HNRNPC: variants seen among roughly 807,000 people sequenced by gnomAD.
HNRNPC encodes the protein heterogeneous nuclear ribonucleoprotein C.
A neutral mutation model predicts 33.2 loss-of-function variants in HNRNPC; 3 were observed. The ratio of observed to expected loss-of-function variants is 0.09; its 90% CI spans 0.04 to 0.23. HNRNPC has a LOEUF of 0.23. Ranked by LOEUF, HNRNPC falls within the 10% of genes least tolerant of loss-of-function variation. HNRNPC has a pLI of 1.00. For missense variants in HNRNPC, 143 were observed against 366.7 expected (o/e 0.39, Z 4.98); for synonymous variants, 121 against 126.7 (o/e 0.96, Z 0.30).
chr14:21,257,774 T>C (rs1198187332), intron 2 of HNRNPC, among the ~76,000 whole-genome samples: 2 of 152,094 alleles, frequency 1.3e-5, no homozygotes, highest in African/African-American at 4.8e-5. Context: ...TCTTGCTATG[T>C]TGCCAGACTT....
chr14:21,243,702 A>T (rs987424087), intron 2 of HNRNPC, among the ~76,000 whole-genome samples: 1 of 152,198 alleles, frequency 6.6e-6, no homozygotes, highest in Non-Finnish European at 1.5e-5. Flanking sequence ...GTAGGTCCCT[A>T]TATCTGTATT....
chr14:21,230,616 AAC>A (rs1894005111), intron 4 of HNRNPC: 1 of 520,084 alleles, frequency 1.9e-6, no homozygotes, highest in African/African-American at 1.9e-5. Flanking sequence ...AGCTAAACTA[AAC>A]ACTGAAAAAC....
rs1594311098 is a variant in HNRNPC at position 21,253,500 on chromosome 14, T to C, written c.-37+9811A>G. 6.2e-5 allele frequency among the ~76,000 whole-genome samples: 9 copies of C among 146,264 alleles called. No homozygotes were observed. The South Asian group carries it at 1.9e-3, about 32-fold the overall frequency. ...AAAAAAAAAAAGATAGCACCAAAGATGTGCATGCACCTGAAAACAAAAATT... is the reference window on the plus strand; with the variant it reads ...AAAAAAAAAAAGATAGCACCAAAGACGTGCATGCACCTGAAAACAAAAATT... On this transcript the variant is annotated intron_variant, in intron 2 of 8. Coordinates refer to ENST00000553300, the MANE Select transcript of HNRNPC (RefSeq NM_004500.4).
chr14:21,226,737 G>T (rs990625079), intron 5 of HNRNPC, among the ~76,000 whole-genome samples: 2 of 151,896 alleles, frequency 1.3e-5, no homozygotes, highest in African/African-American at 4.8e-5. Context: ...AAAATTAGTT[G>T]TGTGTGGTGG....
chr14:21,228,893 T>C (rs912450123), intron 5 of HNRNPC, among the ~76,000 whole-genome samples: 1 of 149,700 alleles, frequency 6.7e-6, no homozygotes, highest in Non-Finnish European at 1.5e-5. Flanking sequence ...GAGACCAGCC[T>C]GGCCAACATG....
chr14:21,229,009 A>G (rs1471927253), intron 5 of HNRNPC, among the ~76,000 whole-genome samples: 1 of 150,758 alleles, frequency 6.6e-6, no homozygotes, highest in East Asian at 2.0e-4. Flanking sequence ...TGCTTCAACC[A>G]AAGAGGCGTA....
intron 5 of HNRNPC, among the ~76,000 whole-genome samples, chr14:21,223,661 A>G (rs1893099099): frequency 6.6e-6 from 1 of 152,028 alleles, no homozygotes; most frequent in Non-Finnish European, 1.5e-5. Flanking sequence ...AGGCAGGAGA[A>G]TTGCTTGAAC....
chr14:21,225,376 G>A (rs547323597), intron 5 of HNRNPC, among the ~76,000 whole-genome samples: 114 of 151,774 alleles, frequency 7.5e-4, no homozygotes, highest in Middle Eastern at 3.4e-3. Flanking sequence ...AGGTTGCAGT[G>A]AGCCGAGATC....
In HNRNPC at chr14:21,211,395, G is replaced by A. The variant is rs200382733; in HGVS notation, c.798+11C>T. 1.0e-4 allele frequency: 164 copies of A among 1,583,900 alleles called. No individual in the cohort carries two copies. Among genetic ancestry groups the A allele is most frequent in the Non-Finnish European group, 1.3e-4 (153 of 1,171,528 alleles). On this transcript the variant is annotated intron_variant, in intron 8 of 8. Transcript: ENST00000553300. Reference sequence around the variant, plus strand: ...CCACCACCTTTTTCTTTCCTTTCCCGTGGTTTTCACCTGGTCATCCCCCCG... The same window carrying A: ...CCACCACCTTTTTCTTTCCTTTCCCATGGTTTTCACCTGGTCATCCCCCCG...
chr14:21,233,069 T>C (rs963868581), intron 3 of HNRNPC, among the ~76,000 whole-genome samples: 3 of 152,086 alleles, frequency 2.0e-5, no homozygotes, highest in Non-Finnish European at 2.9e-5. Context: ...ATATTGTCTA[T>C]TTGCTGAACA....
chr14:21,211,378 T>G, intron 8 of HNRNPC, 28 bp downstream of exon 8: 1 of 1,408,380 alleles, frequency 7.1e-7, no homozygotes, highest in Non-Finnish European at 9.4e-7. Context: ...CTCCACCACC[T>G]TTTTCTTTCC....
chr14:21,248,570 T>A (rs916374195), intron 2 of HNRNPC, among the ~76,000 whole-genome samples: 3 of 152,204 alleles, frequency 2.0e-5, no homozygotes, highest in Non-Finnish European at 4.4e-5. Context: ...CATTTACTGT[T>A]ATTGGCACAT....
At chr14:21,248,543 G>A (rs767200856) in intron 2 of HNRNPC, among the ~76,000 whole-genome samples, 1 of 152,018 alleles carries the variant, frequency 6.6e-6, no homozygotes, top group African/African-American at 2.4e-5. Flanking sequence ...AACAAGTGCC[G>A]CTGCTGCTAC....
chr14:21,233,742 T>C (rs1894370648), intron 3 of HNRNPC, among the ~76,000 whole-genome samples: 1 of 152,318 alleles, frequency 6.6e-6, no homozygotes, highest in Middle Eastern at 3.4e-3. Context: ...GTAGTAGAGT[T>C]GTCCTAGCTC....
chr14:21,225,858 TTA>T (rs1187341428), intron 5 of HNRNPC, among the ~76,000 whole-genome samples: 1 of 152,110 alleles, frequency 6.6e-6, no homozygotes, highest in African/African-American at 2.4e-5. Flanking sequence ...GGGTGATCAA[TTA>T]TAAGGGAAAG....
At chr14:21,246,867 G>T (rs1038377974) in intron 2 of HNRNPC, among the ~76,000 whole-genome samples, 2 of 152,158 alleles carry the variant, frequency 1.3e-5, no homozygotes, top group South Asian at 4.1e-4. Context: ...CATTTGTGAT[G>T]ATTTACTTCT....
chr14:21,211,658 T>C, intron 7 of HNRNPC, 92 bp from the exon 8 acceptor site: 4 of 1,469,354 alleles, frequency 2.7e-6, no homozygotes, highest in Non-Finnish European at 3.7e-6. Flanking sequence ...GCAGCACAAA[T>C]CTAAATCCTC....
chr14:21,228,927 A>T (rs1190952450), intron 5 of HNRNPC, among the ~76,000 whole-genome samples: 1 of 151,506 alleles, frequency 6.6e-6, no homozygotes, highest in African/African-American at 2.4e-5. Flanking sequence ...TCTACTAAAA[A>T]TACAAAAATT....
intron 1 of HNRNPC, 188 bp from the exon 2 acceptor site, chr14:21,263,524 G>C (rs1196921145): frequency 6.6e-6 from 1 of 152,000 alleles, no homozygotes; most frequent in African/African-American, 2.4e-5. Flanking sequence ...AAATACACGA[G>C]GAAGTAGAGA....
Sources: allele counts gnomAD v4.1 joint callset (sites outside exome capture counted in the v4.1 genomes callset), GRCh38; gene constraint gnomAD v4.1.1; transcripts MANE v1.5; gene names NCBI Gene and HGNC (gene_info 2026-07-23, HGNC 2026-07-21).